The following PLPP1 variants were observed in gnomAD, a reference collection of about 807,000 sequenced individuals.
PLPP1 encodes phospholipid phosphatase 1.
PLPP1 carries 24 observed loss-of-function variants against 31.2 expected under a neutral mutation model. The ratio of observed to expected loss-of-function variants is 0.77; its 90% CI spans 0.56 to 1.08. The LOEUF (loss-of-function observed/expected upper bound fraction) is 1.08. Among genes scored for constraint, PLPP1 ranks in the 50% least tolerant of loss-of-function variants. PLPP1 has a pLI of 0.00. For missense variants in PLPP1, 319 were observed against 342.7 expected, an observed-to-expected ratio of 0.93 and a Z score of 0.55; for synonymous variants, 146 against 126.3, an observed-to-expected ratio of 1.16 and a Z score of -1.05.
intron 3 of PLPP1, among the ~76,000 whole-genome samples, chr5:55,455,371 C>T (rs900091292): frequency 3.9e-5 from 6 of 152,234 alleles, no homozygotes; most frequent in South Asian, 4.1e-4. Flanking sequence ...GCAGGCAGAA[C>T]GCTTGAGCCC....
At chr5:55,533,899 C>T (rs988005442) in intron 1 of PLPP1, among the ~76,000 whole-genome samples, 3 of 152,104 alleles carry the variant, frequency 2.0e-5, no homozygotes, top group Non-Finnish European at 4.4e-5. Context: ...TCTGCTGCAG[C>T]CAAAGAATGT....
intron 1 of PLPP1, among the ~76,000 whole-genome samples, chr5:55,490,085 T>C (rs1157444312): frequency 1.3e-5 from 2 of 151,630 alleles, no homozygotes; most frequent in Non-Finnish European, 2.9e-5. Flanking sequence ...AATATTGTCC[T>C]ACAAATTGAT....
intron 4 of PLPP1, 138 bp downstream of exon 4, chr5:55,441,713 G>T: frequency 4.2e-6 from 4 of 960,242 alleles, no homozygotes; most frequent in Non-Finnish European, 4.9e-6. Context: ...TTCTCAGTAT[G>T]AAACTTACAG....
At chr5:55,520,522 C>G (rs1227243345) in intron 1 of PLPP1, among the ~76,000 whole-genome samples, 2 of 152,200 alleles carry the variant, frequency 1.3e-5, no homozygotes, top group African/African-American at 4.8e-5. Flanking sequence ...TACATTGTCT[C>G]ATGCATTATC....
At chr5:55,471,958 T>TA (rs11454525) in intron 2 of PLPP1, among the ~76,000 whole-genome samples, 129,535 of 150,922 alleles carry the variant, frequency 0.86, 55,994 homozygotes, top group South Asian at 0.92. Context: ...GTTATCTCTT[T>TA]AAAAAAAAAT....
intron 4 of PLPP1, among the ~76,000 whole-genome samples, chr5:55,437,314 C>T (rs1218971082): frequency 6.6e-6 from 1 of 152,072 alleles, no homozygotes; most frequent in Non-Finnish European, 1.5e-5. Context: ...ATCTTGTTAA[C>T]ACTTCTTAAC....
At chr5:55,533,054 AAAC>A (rs1301926087) in intron 1 of PLPP1, among the ~76,000 whole-genome samples, 1 of 152,078 alleles carries the variant, frequency 6.6e-6, no homozygotes, top group Non-Finnish European at 1.5e-5. Context: ...GTGTCTTGGG[AAAC>A]AACAAAGATG....
intron 1 of PLPP1, among the ~76,000 whole-genome samples, chr5:55,532,541 A>C (rs1034521750): frequency 2.0e-5 from 3 of 152,242 alleles, no homozygotes; most frequent in Non-Finnish European, 4.4e-5. Flanking sequence ...AATGACATCA[A>C]GTATAAGTTA....
chr5:55,516,527 T>C (rs571575564), intron 1 of PLPP1, among the ~76,000 whole-genome samples: 54 of 152,358 alleles, frequency 3.5e-4, no homozygotes, highest in African/African-American at 1.3e-3. Flanking sequence ...CAACAGACAT[T>C]TGTGGAATAA....
intron 4 of PLPP1, among the ~76,000 whole-genome samples, chr5:55,427,339 T>C (rs1751229020): frequency 6.6e-6 from 1 of 152,210 alleles, no homozygotes; most frequent in African/African-American, 2.4e-5. Flanking sequence ...CCAGGGCTTA[T>C]CTAATTTTAT....
intron 1 of PLPP1, among the ~76,000 whole-genome samples, chr5:55,477,050 AT>A (rs145191628): frequency 0.84 from 124,413 of 148,642 alleles, 52,338 homozygotes; most frequent in South Asian, 0.9. Flanking sequence ...AAAAAAAAAA[AT>A]AATAAACTAG....
chr5:55,480,147 A>C (rs1752640288), intron 1 of PLPP1, among the ~76,000 whole-genome samples: 1 of 152,204 alleles, frequency 6.6e-6, no homozygotes, highest in South Asian at 2.1e-4. Flanking sequence ...CGTTTATCAA[A>C]TCAAGTCAAA....
intron 1 of PLPP1, among the ~76,000 whole-genome samples, chr5:55,484,209 T>C (rs919204418): frequency 5.9e-5 from 9 of 152,130 alleles, no homozygotes; most frequent in Non-Finnish European, 1.2e-4. Context: ...TCTCCCACCT[T>C]TGATACATAA....
chr5:55,516,805 C>T (rs374958967), intron 1 of PLPP1, among the ~76,000 whole-genome samples: 1 of 152,178 alleles, frequency 6.6e-6, no homozygotes, highest in African/African-American at 2.4e-5. Flanking sequence ...TAATAAAATA[C>T]AAAATCTGCA....
At chr5:55,508,485 C>T (rs1254245984) in intron 1 of PLPP1, among the ~76,000 whole-genome samples, 1 of 152,208 alleles carries the variant, frequency 6.6e-6, no homozygotes, top group African/African-American at 2.4e-5. Context: ...TAGAACAAGG[C>T]AGGCCTTCAA....
At chr5:55,532,368 C>G (rs1168725023) in intron 1 of PLPP1, among the ~76,000 whole-genome samples, 2 of 151,932 alleles carry the variant, frequency 1.3e-5, no homozygotes, top group African/African-American at 2.4e-5. Flanking sequence ...ACAAATTGAT[C>G]GAACTCCCAC....
chr5:55,533,747 A>C (rs1740768575), intron 1 of PLPP1, among the ~76,000 whole-genome samples: 3 of 152,216 alleles, frequency 2.0e-5, no homozygotes, highest in Non-Finnish European at 1.5e-5. Context: ...TGCCTTATAC[A>C]ATACATAAAA....
intron 1 of PLPP1, among the ~76,000 whole-genome samples, chr5:55,506,889 G>T (rs1389439030): frequency 6.6e-6 from 1 of 152,118 alleles, no homozygotes; most frequent in Non-Finnish European, 1.5e-5. Flanking sequence ...TACCTGAGCA[G>T]TTTTCAGAAA....
chr5:55,514,947 C>T (rs1753524393), intron 1 of PLPP1, among the ~76,000 whole-genome samples: 2 of 152,208 alleles, frequency 1.3e-5, no homozygotes, highest in Non-Finnish European at 2.9e-5. Flanking sequence ...TAGACATCAG[C>T]TTATTGAGTG....
Sources: gnomAD v4.1 joint callset for allele counts (sites outside exome capture counted in the v4.1 genomes callset) on GRCh38, gnomAD v4.1.1 for gene constraint, MANE v1.5 for transcripts, NCBI Gene and HGNC (gene_info 2026-07-23, HGNC 2026-07-21) for gene names.